The following DEAF1 variants were observed in gnomAD, a reference collection of about 807,000 sequenced individuals.
DEAF1 encodes DEAF1 transcription factor.
A neutral mutation model predicts 58.9 loss-of-function variants in DEAF1; 53 were observed. That is an observed-to-expected ratio of 0.90 (90% CI 0.72 to 1.13). The LOEUF is 1.13. Ranked by LOEUF, DEAF1 falls within the 50% of genes most tolerant of loss-of-function variation. DEAF1 has a pLI of 0.00. For missense variants in DEAF1, 685 were observed against 791.4 expected, an observed-to-expected ratio of 0.87 and a Z score of 1.61; for synonymous variants, 385 against 340.4, an observed-to-expected ratio of 1.13 and a Z score of -1.44.
intron 2 of DEAF1, 133 bp downstream of exon 2, chr11:691,368 G>T: frequency 1.2e-6 from 1 of 813,260 alleles, no homozygotes; most frequent in Non-Finnish European, 2.0e-6. Flanking sequence ...AGCAGAGCGA[G>T]CCAGTGCGTC....
Position 686,847 on chromosome 11 carries a change from AC to A in DEAF1, c.804+10del. On this transcript the variant is annotated intron_variant, in intron 5 of 11. Transcript: ENST00000382409. ...CTGTGTGCTGAGCACAGGTGAGGTCACGGACGATACCTGGATGAGGCACTGC... is the reference window on the plus strand; with the variant it reads ...CTGTGTGCTGAGCACAGGTGAGGTCAGGACGATACCTGGATGAGGCACTGC... The A allele has an allele frequency of 1.2e-6, 2 of 1,614,064 alleles. No homozygotes were observed. The highest frequency in any genetic ancestry group is 1.7e-5 in the Admixed American group (1 of 60,032).
Position 653,465 on chromosome 11 carries a change from CAAT to C in DEAF1, c.1593+494_1593+496del, listed in dbSNP as rs1240171543. On this transcript the variant is annotated intron_variant, in intron 11 of 11. Transcript: ENST00000382409. ...TGGCTCTGCAGGGGTGTGGAGGGCT[CAAT>C]AATAGAAGAACTGTGGACAGTCTCT... is the stretch of plus-strand genomic sequence containing the variant. Among the ~76,000 whole-genome samples the C allele has an allele frequency of 1.5e-4, 16 of 106,720 alleles. 1 individual carries two copies. Among genetic ancestry groups the C allele is most frequent in the Admixed American group, 6.4e-4 (6 of 9,410 alleles). 70.0% of individuals were successfully genotyped at this position (106,720 alleles called of 152,430 possible).
In DEAF1 at chr11:688,018, T is replaced by A. The variant is rs751727919; in HGVS notation, c.557A>T (p.Glu186Val). 1 of 1,614,104 alleles carries A rather than the reference T, an allele frequency of 6.2e-7. No homozygotes were observed. The highest frequency in any genetic ancestry group is 8.5e-7 in the Non-Finnish European group (1 of 1,180,018). ...CCAGTTGTATTTAGTTCCACCTTTT[T>A]CTTGGCCGGGAGCCAGAGGGGTTGG... ...SPPTPLAPGQEKGGTKYNWDP... is the reference protein window; with the variant it reads ...SPPTPLAPGQVKGGTKYNWDP... Residue 186 changes from glutamate to valine, a missense_variant, in exon 4 of 12, where the codon GAA becomes GTA. Around this residue, in one of 3 missense-constraint regions of DEAF1, gnomAD observed 132 missense variants for 234.3 expected, o/e 0.56. Coordinates refer to ENST00000382409, the MANE Select transcript of DEAF1 (RefSeq NM_021008.4). This position sits in a 1 kb window ranked among gnomAD's most constrained non-coding sequence, Gnocchi z 4.3.
intron 1 of DEAF1, among the ~76,000 whole-genome samples, chr11:701,639 G>A (rs1861494457): frequency 3.3e-5 from 5 of 151,866 alleles, no homozygotes; most frequent in South Asian, 2.1e-4. Flanking sequence ...TCCATCTCCT[G>A]ACCTCCTGAT....
chr11:674,003 G>A (rs534994237), intron 10 of DEAF1: 6 of 201,320 alleles, frequency 3.0e-5, no homozygotes, highest in Admixed American at 2.6e-4. Flanking sequence ...TGCAGTAATA[G>A]GAAGCTACAG....
intron 1 of DEAF1, among the ~76,000 whole-genome samples, chr11:691,902 G>A (rs991405474): frequency 4.6e-5 from 7 of 152,014 alleles, no homozygotes; most frequent in Admixed American, 1.3e-4. Context: ...AAACCACCAC[G>A]GGGCTTCTAT....
At chr11:669,628 C>A (rs1251829737) in intron 10 of DEAF1, among the ~76,000 whole-genome samples, 1 of 147,880 alleles carries the variant, frequency 6.8e-6, no homozygotes, top group Non-Finnish European at 1.5e-5. Flanking sequence ...AAGAGCGAAA[C>A]TTGTCTCAAA....
chr11:669,927 CAAAAAAA>C lies in DEAF1; in HGVS notation c.1503+4602_1503+4608del, dbSNP rs59541099. ...CCTGGGTGACAGTGTGAGACTGTCTCAAAAAAAAAAAAAAAAAAAAAAAAAGAAACCC... is the reference window on the plus strand; with the variant it reads ...CCTGGGTGACAGTGTGAGACTGTCTCAAAAAAAAAAAAAAAAAAGAAACCC... On this transcript the variant is annotated intron_variant, in intron 10 of 11. Transcript: ENST00000382409. Among the ~76,000 whole-genome samples the C allele has an allele frequency of 2.8e-4, 24 of 86,890 alleles. No homozygotes were observed. The South Asian group carries it at 3.3e-3, about 12-fold the overall frequency. 57.0% of individuals were successfully genotyped at this position (86,890 alleles called of 152,430 possible). A position where few individuals can be genotyped will look rare whatever the true frequency, so the allele number is the denominator to read the frequency against.
chr11:668,030 TA>T (rs1168824390), intron 10 of DEAF1, among the ~76,000 whole-genome samples: 3 of 152,116 alleles, frequency 2.0e-5, no homozygotes, highest in Admixed American at 1.3e-4. Flanking sequence ...GAGAATTGCT[TA>T]AACCTGGGAA....
upstream of DEAF1, chr11:695,548 C>A: frequency 8.3e-7 from 1 of 1,200,916 alleles, no homozygotes; most frequent in Non-Finnish European, 1.0e-6. Context: ...GTTCCCGCCG[C>A]CGGCGGAAGC....
chr11:662,531 G>A (rs1044725169), intron 10 of DEAF1, among the ~76,000 whole-genome samples: 25 of 152,006 alleles, frequency 1.6e-4, no homozygotes, highest in African/African-American at 5.1e-4. Context: ...TCCGACTCCC[G>A]CCCAGCCCAG....
intron 1 of DEAF1, among the ~76,000 whole-genome samples, chr11:692,575 G>A (rs1483319690): frequency 1.3e-5 from 2 of 152,210 alleles, no homozygotes; most frequent in South Asian, 2.1e-4. Flanking sequence ...GTTTGCAGCC[G>A]GGCGCGGTGG....
At chr11:650,782 C>T (rs1184657481) in intron 11 of DEAF1, among the ~76,000 whole-genome samples, 1 of 151,946 alleles carries the variant, frequency 6.6e-6, no homozygotes, top group African/African-American at 2.4e-5. Context: ...GGCGAAACCC[C>T]GTCTCAACTA....
At position 694,943 on chromosome 11, in the gene DEAF1, G is replaced by C; in HGVS notation, c.105C>G (p.Gly35=). The C allele has an allele frequency of 7.8e-7, 1 of 1,279,988 alleles. No individual in the cohort carries two copies. Among genetic ancestry groups the C allele is most frequent in the Non-Finnish European group, 9.8e-7 (1 of 1,017,100 alleles). The allele number at this position is 1,279,988 out of a possible 1,614,324, so 79.3% of individuals were successfully genotyped here. A position where few individuals can be genotyped will look rare whatever the true frequency, so the allele number is the denominator to read the frequency against. ...VAAAAAAAAG[G]EAEEPVLSRD... is the part of the protein sequence containing the mutation. Reference sequence around the variant, plus strand: ...TGCTCAGCACCGGCTCCTCCGCCTCGCCTCCTGCCGCGGCCGCGGCCGCCG... The same window carrying C: ...TGCTCAGCACCGGCTCCTCCGCCTCCCCTCCTGCCGCGGCCGCGGCCGCCG... Residue 35 remains glycine, a synonymous_variant, in exon 1 of 12, where the codon GGC becomes GGG. Coordinates refer to ENST00000382409, the MANE Select transcript of DEAF1 (RefSeq NM_021008.4).
chr11:658,321 C>T (rs1302820718), intron 10 of DEAF1, among the ~76,000 whole-genome samples: 1 of 152,138 alleles, frequency 6.6e-6, no homozygotes, highest in African/African-American at 2.4e-5. Flanking sequence ...CCCGGCTACT[C>T]GCGAGGCTAA....
intron 11 of DEAF1, among the ~76,000 whole-genome samples, chr11:645,570 G>A (rs1188522469): frequency 5.3e-5 from 8 of 152,114 alleles, no homozygotes; most frequent in African/African-American, 9.7e-5. Flanking sequence ...TGCCCGCCTC[G>A]GCCTCCCAAA....
chr11:703,372 G>A, intron 1 of DEAF1: 2 of 1,386,420 alleles, frequency 1.4e-6, no homozygotes, highest in Non-Finnish European at 1.9e-6. Context: ...GGGGAGGGTA[G>A]GGACCAGACA....
rs1306956405 is a variant in DEAF1 at position 686,727 on chromosome 11, C to CA, written c.804+130dup. 8.2e-5 allele frequency: 102 copies of CA among 1,245,118 alleles called. No individual in the cohort carries two copies. In the East Asian group the frequency reaches 2.5e-3, roughly 30 times the overall value. 77.1% of individuals were successfully genotyped at this position (1,245,118 alleles called of 1,614,324 possible). On this transcript the variant is annotated intron_variant, in intron 5 of 11. Transcript: ENST00000382409. ...GGTAAATCACTCGCCCAAGGCCACA[C>CA]AGACAGCAGGTGGAGGCTGCAAACC...
At chr11:666,873 C>CAAAAAAAA (rs532628897) in intron 10 of DEAF1, among the ~76,000 whole-genome samples, 998 of 58,284 alleles carry the variant, frequency 0.017, no homozygotes, top group Non-Finnish European at 0.022. Flanking sequence ...ACTCTGTCTC[C>CAAAAAAAA]AAAAAAAAAA....
Sources: gnomAD v4.1 joint callset for allele counts (sites outside exome capture counted in the v4.1 genomes callset) on GRCh38, gnomAD v4.1.1 for gene constraint, gnomAD v4.1.1 regional missense constraint, Gnocchi (gnomAD v3.1) non-coding constraint, MANE v1.5 for transcripts, NCBI Gene and HGNC (gene_info 2026-07-23, HGNC 2026-07-21) for gene names.